The following ITFG2 variants were observed in gnomAD, a reference collection of about 807,000 sequenced individuals.
The protein encoded by ITFG2 is integrin alpha FG-GAP repeat containing 2, also known as KICSTOR complex protein ITFG2.
ITFG2 carries 36 observed loss-of-function variants against 54.4 expected under a neutral mutation model. The observed-to-expected ratio is 0.66, with a 90% CI of 0.51 to 0.87. ITFG2 has a LOEUF of 0.87. ITFG2 is among the 40% of genes least tolerant of loss of function. The pLI is 0.00. For missense variants in ITFG2, 524 were observed against 576.7 expected (o/e 0.91, Z 0.94); for synonymous variants, 211 against 225.4 (o/e 0.94, Z 0.57).
At chr12:2,813,429 G>A (rs1450745223) in intron 1 of ITFG2, among the ~76,000 whole-genome samples, 1 of 152,158 alleles carries the variant, frequency 6.6e-6, no homozygotes, top group Non-Finnish European at 1.5e-5. Context: ...TTACTGAACT[G>A]CTCATTATGC....
In ITFG2 at chr12:2,821,366, G is replaced by A. The variant is rs74054748; in HGVS notation, c.793+7G>A. 5.1e-4 allele frequency: 814 copies of A among 1,600,892 alleles called. 11 individuals are homozygous for A. The African/African-American group carries it at 9.5e-3, about 19-fold the overall frequency. On this transcript the variant is annotated splice_region_variant and intron_variant, in intron 7 of 11. Transcript: ENST00000228799. ...ATTGGCAACATCAAACAAGGTGAAA[G>A]TGTGGTGGGTGTGAGGGAGGGAGAT...
intron 2 of ITFG2, 150 bp from the exon 3 acceptor site, chr12:2,817,759 G>A (rs537097262): frequency 1.4e-4 from 99 of 717,148 alleles, no homozygotes; most frequent in East Asian, 1.1e-3. Context: ...CAGTAACGCC[G>A]TTAATAAAGA....
At chr12:2,813,091 C>T (rs2097913156) in intron 1 of ITFG2, among the ~76,000 whole-genome samples, 4 of 152,236 alleles carry the variant, frequency 2.6e-5, no homozygotes, top group Admixed American at 2.6e-4. Context: ...GGCTGGAGTG[C>T]AGTGGCTTGA....
chr12:2,838,158 T>C (rs181273153), intron 1 of ITFG2, among the ~76,000 whole-genome samples: 45 of 152,346 alleles, frequency 3.0e-4, no homozygotes, highest in South Asian at 1.2e-3. Flanking sequence ...TTTGCTGGGT[T>C]CCTGTAGTCA....
rs756531471 is a variant in ITFG2, at chr12:2,824,298, C to T, written c.*105C>T. 1.7e-5 allele frequency: 20 copies of T among 1,170,828 alleles called. No individual in the cohort carries two copies. Among genetic ancestry groups the T allele is most frequent in the Non-Finnish European group, 2.5e-5 (20 of 795,180 alleles). The allele number at this position is 1,170,828 out of a possible 1,614,324, so 72.5% of individuals were successfully genotyped here. A position where few individuals can be genotyped will look rare whatever the true frequency, so the allele number is the denominator to read the frequency against. On this transcript the variant is annotated 3_prime_UTR_variant, in exon 12 of 12. Transcript: ENST00000228799. ...ATAGGGAATATGCATTACAGAAATG[C>T]AGGATTTGACTCTGGGCATGAAAGA...
intron 2 of ITFG2, among the ~76,000 whole-genome samples, chr12:2,850,698 A>T (rs1299633486): frequency 4.0e-5 from 6 of 150,250 alleles, no homozygotes; most frequent in Admixed American, 4.0e-4. Flanking sequence ...GTTGAGACAG[A>T]GTCTCACTCT....
intron 2 of ITFG2, chr12:2,849,488 G>T: frequency 2.6e-6 from 4 of 1,536,140 alleles, no homozygotes; most frequent in South Asian, 1.2e-5. Context: ...TGGAGGCCCT[G>T]GGGTTCAAAC....
At chr12:2,835,761 G>A (rs1014541919), upstream of ITFG2, among the ~76,000 whole-genome samples, 3 of 152,212 alleles carry the variant, frequency 2.0e-5, no homozygotes, top group African/African-American at 7.2e-5. Flanking sequence ...AGCTCCCTGT[G>A]CACTTCCACT....
exon 4 of ITFG2, chr12:2,859,704 G>A (rs374876744): frequency 1.9e-4 from 269 of 1,452,152 alleles, no homozygotes; most frequent in Middle Eastern, 4.2e-4. Flanking sequence ...ACGGTCACCA[G>A]ACAGGACGCA....
intron 2 of ITFG2, among the ~76,000 whole-genome samples, chr12:2,852,230 T>G (rs998015421): frequency 1.3e-5 from 2 of 152,186 alleles, no homozygotes; most frequent in African/African-American, 2.4e-5. Flanking sequence ...CCTACAGCAG[T>G]AAACATGTGA....
In ITFG2 at chr12:2,840,278, G is replaced by A. The variant is rs550025785; in HGVS notation, n.147-564G>A. 5.9e-5 allele frequency among the ~76,000 whole-genome samples: 9 copies of A among 151,610 alleles called. No homozygotes were observed. The South Asian group carries it at 1.5e-3, about 25-fold the overall frequency. On this transcript the variant is annotated intron_variant and non_coding_transcript_variant, in intron 1 of 3. Coordinates refer to the ITFG2 transcript ENST00000537710. ...AGCCTGGCCAACATGGTGAAACCCC[G>A]TCTCTACTAAAAATACAAAAAAAAA...
downstream of ITFG2, chr12:2,827,274 A>G (rs1299401080): frequency 6.2e-7 from 1 of 1,613,944 alleles, no homozygotes; most frequent in Non-Finnish European, 8.5e-7. The surrounding 1 kb of genome is among the most constrained non-coding windows in gnomAD (Gnocchi z 4.0). Flanking sequence ...CAGCCGCAGC[A>G]CTCCGTGCTC....
intron 7 of ITFG2, 91 bp from the exon 8 acceptor site, chr12:2,821,452 C>T (rs1440064850): frequency 1.9e-6 from 3 of 1,561,418 alleles, no homozygotes; most frequent in African/African-American, 1.4e-5. Context: ...ATTTCGAGCC[C>T]TGTCCTTCCC....
At chr12:2,827,901 G>A (rs753758608), downstream of ITFG2, 152 of 1,613,504 alleles carry the variant, frequency 9.4e-5, no homozygotes, top group Non-Finnish European at 1.3e-4. This position sits in a 1 kb window ranked among gnomAD's most constrained non-coding sequence, Gnocchi z 4.0. Flanking sequence ...TGAGCACCAG[G>A]GCTGTTGCAG....
intron 1 of ITFG2, among the ~76,000 whole-genome samples, chr12:2,840,152 G>A (rs867882861): frequency 6.6e-6 from 1 of 151,912 alleles, no homozygotes; most frequent in Non-Finnish European, 1.5e-5. Context: ...GAGTAGGAAG[G>A]TTCAATATAA....
At chr12:2,815,209 C>T (rs2097918754) in intron 1 of ITFG2, among the ~76,000 whole-genome samples, 1 of 151,544 alleles carries the variant, frequency 6.6e-6, no homozygotes, top group South Asian at 2.1e-4. Context: ...ACCTGTTTAT[C>T]TCTGTTGCCT....
chr12:2,830,539 T>C, intron 2 of ITFG2: 1 of 624,910 alleles, frequency 1.6e-6, no homozygotes, highest in African/African-American at 1.9e-5. Context: ...GAGACATGGC[T>C]TGGGGCAGGG....
intron 1 of ITFG2, among the ~76,000 whole-genome samples, chr12:2,815,038 A>G (rs111341628): frequency 7.9e-5 from 12 of 152,018 alleles, no homozygotes; most frequent in African/African-American, 2.7e-4. Context: ...CAGTGACACA[A>G]TCTCGGCTCA....
Position 2,823,598 on chromosome 12 carries a change from C to T in ITFG2, c.1067-172C>T, listed in dbSNP as rs569993743. Among the ~76,000 whole-genome samples the T allele has an allele frequency of 5.3e-5, 8 of 152,276 alleles. No homozygotes were observed. The South Asian group carries it at 1.7e-3, about 32-fold the overall frequency. Reference sequence around the variant, plus strand: ...ATCTGAAGTGAGCCAGGTCTTTTCCCATCTTACTTGTTTTACTGAGTTCCC... The same window carrying T: ...ATCTGAAGTGAGCCAGGTCTTTTCCTATCTTACTTGTTTTACTGAGTTCCC... On this transcript the variant is annotated intron_variant, in intron 10 of 11. Coordinates refer to ENST00000228799, the MANE Select transcript of ITFG2 (RefSeq NM_018463.4).
Sources: allele counts gnomAD v4.1 joint callset (sites outside exome capture counted in the v4.1 genomes callset), GRCh38; gene constraint gnomAD v4.1.1; non-coding constraint Gnocchi (gnomAD v3.1); transcripts MANE v1.5; gene names NCBI Gene and HGNC (gene_info 2026-07-23, HGNC 2026-07-21).